KIFC3: variants seen among roughly 807,000 people sequenced by gnomAD.
KIFC3 encodes kinesin-like protein KIFC3.
KIFC3 carries 60 observed loss-of-function variants against 101.8 expected under a neutral mutation model. The ratio of observed to expected loss-of-function variants is 0.59; its 90% confidence interval spans 0.48 to 0.73. KIFC3 has a LOEUF of 0.73. Ranked by LOEUF, KIFC3 falls within the 30% of genes least tolerant of loss-of-function variation. The probability of loss-of-function intolerance (pLI) is 0.00; values close to 1 mark genes in which losing one functional copy is unlikely to be tolerated. For synonymous variants in KIFC3, 476 were observed against 482.7 expected (o/e 0.99, Z 0.18); for missense variants, 966 against 1,137.1 (o/e 0.85, Z 2.16).
At position 57,765,444 on chromosome 16, in the gene KIFC3, T is replaced by C. The variant is rs782722576; in HGVS notation, c.1512+15A>G. On this transcript the variant is annotated intron_variant, in intron 11 of 19. Transcript: ENST00000445690. ...TCTCCCTTGCTTTCCCTTTCCCGCA[T>C]GGGGCCACACTCACGTCCTGCTGCG... The C allele has an allele frequency of 1.3e-6, 2 of 1,561,330 alleles. No individual in the cohort carries two copies. The highest frequency in any genetic ancestry group is 1.3e-5 in the African/African-American group (1 of 74,084).
At chr16:57,798,722 A>G (rs773627916) in intron 1 of KIFC3, 1 of 209,318 alleles carries the variant, frequency 4.8e-6, no homozygotes. Flanking sequence ...TGCTCTGCCT[A>G]AGGCCTGTCA....
At chr16:57,796,417 G>A (rs62039935) in intron 2 of KIFC3, among the ~76,000 whole-genome samples, 16 of 152,198 alleles carry the variant, frequency 1.1e-4, no homozygotes, top group African/African-American at 3.6e-4. Flanking sequence ...GCAAAGAACC[G>A]GAAGCCTGGA....
chr16:57,765,863 G>A, intron 10 of KIFC3: 1 of 477,858 alleles, frequency 2.1e-6, no homozygotes, highest in Non-Finnish European at 3.7e-6. Flanking sequence ...GACTGGGGTG[G>A]AGCTCTGCCT....
rs2051153853 is a variant in KIFC3, at chr16:57,771,226, C to G, written c.737G>C (p.Ser246Thr). 1.2e-6 allele frequency: 2 copies of G among 1,612,936 alleles called. No homozygotes were observed. Among genetic ancestry groups the G allele is most frequent in the African/African-American group, 2.7e-5 (2 of 74,948 alleles). The change falls in exon 6 of 20, where the codon AGC becomes ACC. Residue 246 changes from serine to threonine, a missense_variant. Coordinates refer to ENST00000445690, the MANE Select transcript of KIFC3 (RefSeq NM_001130100.2). The part of the protein sequence containing the change: ...RLRDSHETIA[S>T]LRAQSPPVKY... Reference sequence around the variant, plus strand: ...GACAGGTGGGGACTGGGCCCGCAGGCTGGCAATGGTCTCGTGGCTGTCACG... The same window carrying G: ...GACAGGTGGGGACTGGGCCCGCAGGGTGGCAATGGTCTCGTGGCTGTCACG...
At chr16:57,809,938 G>T (rs560944384) in intron 1 of KIFC3, among the ~76,000 whole-genome samples, 3 of 152,130 alleles carry the variant, frequency 2.0e-5, no homozygotes, top group African/African-American at 7.2e-5. Context: ...TGCTCAGGCC[G>T]GGAGTGTTTC....
At position 57,760,354 on chromosome 16, in the gene KIFC3, C is replaced by G. The variant is rs1177036672; in HGVS notation, c.2295G>C (p.Val765=). The change falls in exon 17 of 20, where the codon GTG becomes GTC. Residue 765 remains valine (V), a synonymous_variant. Transcript: ENST00000445690. ...TLYSLKFAER[V]RSVELGPGLR... is the part of the protein sequence containing the mutation. Reference sequence around the variant, plus strand: ...GCCCAGGCCCCAGCTCCACAGAGCGCACCCTCTCAGCAAACTTGAGGGAAT... The same window carrying G: ...GCCCAGGCCCCAGCTCCACAGAGCGGACCCTCTCAGCAAACTTGAGGGAAT... 6.2e-7 allele frequency: 1 copy of G among 1,613,882 alleles called. No homozygotes were observed. The highest frequency in any genetic ancestry group is 1.3e-5 in the African/African-American group (1 of 74,938).
chr16:57,796,977 C>A (rs552098263), intron 2 of KIFC3, among the ~76,000 whole-genome samples: 2 of 152,364 alleles, frequency 1.3e-5, no homozygotes, highest in African/African-American at 4.8e-5. Flanking sequence ...ACTGGGCTAC[C>A]TGGCCCAAAA....
intron 18 of KIFC3, 156 bp downstream of exon 18, chr16:57,759,572 A>T: frequency 1.6e-6 from 1 of 608,850 alleles, no homozygotes; most frequent in Non-Finnish European, 2.9e-6. Flanking sequence ...TGCCCTGACT[A>T]CTGCCTGGGG....
upstream of KIFC3, among the ~76,000 whole-genome samples, chr16:57,806,944 C>T (rs999437068): frequency 2.6e-5 from 4 of 152,308 alleles, no homozygotes; most frequent in Non-Finnish European, 1.5e-5. Context: ...GGAGGCTGGA[C>T]GTGGTGGCTC....
At chr16:57,814,201 C>G (rs1201243642) in intron 1 of KIFC3, among the ~76,000 whole-genome samples, 4 of 152,124 alleles carry the variant, frequency 2.6e-5, no homozygotes, top group Non-Finnish European at 4.4e-5. Flanking sequence ...TTCATATGCT[C>G]CACCCACACC....
chr16:57,779,854 TAAAA>T (rs2052521419), intron 3 of KIFC3: 1 of 151,900 alleles, frequency 6.6e-6, no homozygotes, highest in Admixed American at 6.6e-5. Flanking sequence ...GATAGATAAA[TAAAA>T]GAGGTTTAAT....
intron 1 of KIFC3, among the ~76,000 whole-genome samples, chr16:57,843,774 C>G (rs1207520409): frequency 1.3e-5 from 2 of 152,046 alleles, no homozygotes; most frequent in Admixed American, 1.3e-4. Flanking sequence ...GACATGTTTG[C>G]AAGGCCTAAA....
intron 1 of KIFC3, among the ~76,000 whole-genome samples, chr16:57,856,118 A>T (rs2056160888): frequency 6.6e-6 from 1 of 151,522 alleles, no homozygotes. Flanking sequence ...GAGCCCAGGC[A>T]TTTGAGACCA....
intron 3 of KIFC3, 46 bp downstream of exon 3, chr16:57,794,953 C>T (rs1332149592): frequency 6.7e-7 from 1 of 1,485,808 alleles, no homozygotes; most frequent in African/African-American, 1.5e-5. Context: ...GCCACTGGAG[C>T]TCAGAGAGCC....
At chr16:57,808,595 A>G (rs1244851348) in intron 1 of KIFC3, among the ~76,000 whole-genome samples, 4 of 151,974 alleles carry the variant, frequency 2.6e-5, no homozygotes, top group Admixed American at 6.6e-5. Context: ...CAAGAGAGAG[A>G]GGAAAAACAC....
intron 18 of KIFC3, 157 bp from the exon 19 acceptor site, chr16:57,759,310 G>GC (rs71281832): frequency 0.074 from 64,722 of 870,254 alleles, 2,869 homozygotes; most frequent in South Asian, 0.11. Flanking sequence ...CGGTCCTGTG[G>GC]CGGGGCTCAC....
chr16:57,776,210 G>A, intron 3 of KIFC3: 1 of 985,536 alleles, frequency 1.0e-6, no homozygotes, highest in Non-Finnish European at 1.2e-6. Context: ...GCTGAGCTGG[G>A]AAGGCCAGAG....
intron 1 of KIFC3, among the ~76,000 whole-genome samples, chr16:57,833,923 A>G (rs1555479856): frequency 7.1e-6 from 1 of 141,562 alleles, no homozygotes; most frequent in Non-Finnish European, 1.5e-5. Context: ...GCTGGAGTGC[A>G]ATGGCATGAT....
At position 57,758,632 on chromosome 16, in the gene KIFC3, C is replaced by T. The variant is rs2049412160; in HGVS notation, c.*302G>A. 4.3e-6 allele frequency: 3 copies of T among 698,580 alleles called. No homozygotes were observed. Among genetic ancestry groups the T allele is most frequent in the Middle Eastern group, 2.3e-4 (1 of 4,370 alleles). 43.3% of individuals were successfully genotyped at this position (698,580 alleles called of 1,614,324 possible). A position where few individuals can be genotyped will look rare whatever the true frequency, so the allele number is the denominator to read the frequency against. On this transcript the variant is annotated 3_prime_UTR_variant, in exon 20 of 20. Coordinates refer to ENST00000445690, the MANE Select transcript of KIFC3 (RefSeq NM_001130100.2). ...CACCCTCCTCCACACTCCCGCCCTC[C>T]TCACGGGGCCCAGTTCGCTGATGGC...
Sources: allele counts gnomAD v4.1 joint callset (sites outside exome capture counted in the v4.1 genomes callset), GRCh38; gene constraint gnomAD v4.1.1; transcripts MANE v1.5; gene names NCBI Gene and HGNC (gene_info 2026-07-23, HGNC 2026-07-21).